The following ITGA2 variants were observed in gnomAD, a reference collection of about 807,000 sequenced individuals.
The protein encoded by ITGA2 is integrin subunit alpha 2.
In ITGA2, 101 loss-of-function variants were observed where a neutral mutation model predicts 146.3. The observed-to-expected ratio is 0.69, with a 90% CI of 0.59 to 0.81. The LOEUF (loss-of-function observed/expected upper bound fraction) is 0.81, where lower values mean the gene tolerates loss of function less well. Ranked by LOEUF, ITGA2 falls within the 40% of genes least tolerant of loss-of-function variation. The probability of loss-of-function intolerance (pLI) is 0.00; values close to 1 mark genes in which losing one functional copy is unlikely to be tolerated. For missense variants in ITGA2, 1,281 were observed against 1,402.7 expected, an observed-to-expected ratio of 0.91 and a Z score of 1.39; for synonymous variants, 477 against 487.1, an observed-to-expected ratio of 0.98 and a Z score of 0.27.
intron 1 of ITGA2, among the ~76,000 whole-genome samples, chr5:53,009,538 C>G (rs1280863227): frequency 6.6e-6 from 1 of 152,014 alleles, no homozygotes; most frequent in African/African-American, 2.4e-5. Context: ...AATTTTCAAG[C>G]AAAATATTCA....
intron 12 of ITGA2, among the ~76,000 whole-genome samples, chr5:53,062,070 A>G (rs905894801): frequency 3.3e-5 from 5 of 151,816 alleles, no homozygotes; most frequent in African/African-American, 1.2e-4. Context: ...GTTGAATGGG[A>G]TGAAGGTTCA....
At chr5:53,080,297 C>A (rs1381844102) in intron 24 of ITGA2, among the ~76,000 whole-genome samples, 2 of 152,024 alleles carry the variant, frequency 1.3e-5, no homozygotes, top group Admixed American at 6.6e-5. Flanking sequence ...AAGGTATGAT[C>A]GAAATTTCAA....
intron 2 of ITGA2, among the ~76,000 whole-genome samples, chr5:53,038,629 G>T (rs1250460320): frequency 2.0e-5 from 3 of 152,136 alleles, no homozygotes; most frequent in Non-Finnish European, 4.4e-5. Context: ...CCCAATCTGG[G>T]CCCTCTGCCA....
intron 1 of ITGA2, among the ~76,000 whole-genome samples, chr5:53,015,657 C>T (rs998612013): frequency 2.6e-5 from 4 of 152,072 alleles, no homozygotes; most frequent in African/African-American, 9.7e-5. Flanking sequence ...AGTTTTCTGC[C>T]TCAATGATCT....
At chr5:53,069,910 C>A (rs1745310738) in intron 16 of ITGA2, among the ~76,000 whole-genome samples, 199 bp from the exon 17 acceptor site, 1 of 151,844 alleles carries the variant, frequency 6.6e-6, no homozygotes, top group South Asian at 2.1e-4. Flanking sequence ...TTTGTATGCA[C>A]AGTCACCTAC....
chr5:53,021,963 C>G (rs1336334376), intron 1 of ITGA2, among the ~76,000 whole-genome samples: 1 of 152,156 alleles, frequency 6.6e-6, no homozygotes, highest in Non-Finnish European at 1.5e-5. Flanking sequence ...AAAAACCCAT[C>G]CCTGCCCCTG....
intron 2 of ITGA2, among the ~76,000 whole-genome samples, chr5:53,033,631 T>G (rs1489462190): frequency 2.0e-5 from 3 of 152,132 alleles, no homozygotes; most frequent in Admixed American, 2.0e-4. Flanking sequence ...AGAGTCTCAG[T>G]CTGTCACCAA....
chr5:53,085,291 G>T (rs3212629), intron 27 of ITGA2, among the ~76,000 whole-genome samples: 4 of 151,946 alleles, frequency 2.6e-5, no homozygotes, highest in African/African-American at 7.2e-5. Context: ...ATTGATCAGG[G>T]CTCCAAATTG....
chr5:53,027,738 A>G (rs7705328), intron 2 of ITGA2, among the ~76,000 whole-genome samples: 108,091 of 152,016 alleles, frequency 0.71, 40,951 homozygotes, highest in Non-Finnish European at 0.83. Flanking sequence ...TCCACTCTCT[A>G]GAGCTCTTTT....
chr5:53,068,591 G>A (rs1201140633), intron 16 of ITGA2, among the ~76,000 whole-genome samples: 2 of 151,728 alleles, frequency 1.3e-5, no homozygotes, highest in South Asian at 2.1e-4. Flanking sequence ...GCTGCCGAGG[G>A]TTTCTGGCCT....
At chr5:53,027,254 C>A (rs974051123) in intron 2 of ITGA2, among the ~76,000 whole-genome samples, 11 of 152,190 alleles carry the variant, frequency 7.2e-5, no homozygotes, top group Admixed American at 3.3e-4. Flanking sequence ...TGGACCATTT[C>A]TAAATGGTAG....
At chr5:53,079,276 TA>T (rs1231822368) in intron 24 of ITGA2, among the ~76,000 whole-genome samples, 2 of 152,282 alleles carry the variant, frequency 1.3e-5, no homozygotes, top group East Asian at 3.9e-4. Flanking sequence ...AACAGAGCAT[TA>T]CTATAAAGGA....
At chr5:53,054,829 T>G (rs543481701) in intron 7 of ITGA2, among the ~76,000 whole-genome samples, 53 of 152,080 alleles carry the variant, frequency 3.5e-4, no homozygotes, top group African/African-American at 1.3e-3. Flanking sequence ...ACAAATTGGA[T>G]TCAGTGTATT....
chr5:53,055,516 T>A (rs745788030), intron 7 of ITGA2, 22 bp from the exon 8 acceptor site: 5 of 1,610,988 alleles, frequency 3.1e-6, no homozygotes, highest in Admixed American at 1.7e-5. Flanking sequence ...AGCAAGTCTT[T>A]ATTTAATTTT....
intron 1 of ITGA2, among the ~76,000 whole-genome samples, chr5:53,026,155 T>A (rs1190645790): frequency 6.6e-6 from 1 of 152,190 alleles, no homozygotes; most frequent in African/African-American, 2.4e-5. Flanking sequence ...TAATGATCAC[T>A]TCTGAAAGAA....
At chr5:53,048,339 G>T (rs376719662) in intron 4 of ITGA2, 24 bp from the exon 5 acceptor site, 3 of 1,565,446 alleles carry the variant, frequency 1.9e-6, no homozygotes, top group Non-Finnish European at 2.6e-6. Context: ...TGTTTCCATT[G>T]ATTGTTTTCT....
Position 53,075,157 on chromosome 5 carries a change from T to C in ITGA2, c.2741+20T>C. On this transcript the variant is annotated intron_variant, in intron 22 of 29. Coordinates refer to ENST00000296585, the MANE Select transcript of ITGA2 (RefSeq NM_002203.4). ...CTTAAGGTAAAACATAATGAAGTCATGAATGGAATGATGGATAGCTTTGTA... is the reference window on the plus strand; with the variant it reads ...CTTAAGGTAAAACATAATGAAGTCACGAATGGAATGATGGATAGCTTTGTA... 1 of 1,604,242 alleles carries C rather than the reference T, an allele frequency of 6.2e-7. No homozygotes were observed. The highest frequency in any genetic ancestry group is 1.1e-5 in the South Asian group (1 of 90,878).
At chr5:53,010,288 G>A (rs1474807272) in intron 1 of ITGA2, among the ~76,000 whole-genome samples, 1 of 152,228 alleles carries the variant, frequency 6.6e-6, no homozygotes, top group East Asian at 1.9e-4. Flanking sequence ...CAGAGGAGCT[G>A]TTGAGAGCCC....
intron 28 of ITGA2, chr5:53,089,569 T>C: frequency 4.9e-6 from 1 of 203,940 alleles, no homozygotes. Context: ...TTAAAGAGTT[T>C]CTTCGACTCC....
Sources: allele counts gnomAD v4.1 joint callset (sites outside exome capture counted in the v4.1 genomes callset), GRCh38; gene constraint gnomAD v4.1.1; transcripts MANE v1.5; gene names NCBI Gene and HGNC (gene_info 2026-07-23, HGNC 2026-07-21).